Variants in GPC5 observed in about 807,000 individuals in gnomAD.
GPC5 encodes the protein glypican 5.
Under a neutral mutation model 53.9 loss-of-function variants are expected in GPC5, and 47 were observed. The ratio of observed to expected loss-of-function variants is 0.87; its 90% CI spans 0.69 to 1.11. The LOEUF (loss-of-function observed/expected upper bound fraction) is 1.11, where lower values mean the gene tolerates loss of function less well. GPC5 is among the 50% of genes most tolerant of loss of function. GPC5 has a pLI of 0.00. For missense variants in GPC5, 748 were observed against 713.1 expected (o/e 1.05, Z -0.56); for synonymous variants, 286 against 263.3 (o/e 1.09, Z -0.84).
intron 6 of GPC5, among the ~76,000 whole-genome samples, chr13:92,026,495 T>C (rs1235510106): frequency 1.3e-5 from 2 of 151,422 alleles, no homozygotes; most frequent in African/African-American, 4.8e-5. Flanking sequence ...GCCAAGAAGA[T>C]ATTTAATTGA....
chr13:91,408,035 C>A lies in GPC5; in HGVS notation c.163+8826C>A, dbSNP rs556692156. Among the ~76,000 whole-genome samples the A allele has an allele frequency of 5.9e-5, 9 of 152,268 alleles. No individual in the cohort carries two copies. The East Asian group carries it at 1.7e-3, about 29-fold the overall frequency. Reference sequence around the variant, plus strand: ...GCTAATTAAACTATGCATTACCTCACCTAGTTACCAATTTTGTTGTGGTGA... The same window carrying A: ...GCTAATTAAACTATGCATTACCTCAACTAGTTACCAATTTTGTTGTGGTGA... On this transcript the variant is annotated intron_variant, in intron 1 of 7. Transcript: ENST00000377067.
chr13:92,111,629 G>A (rs933800065), intron 6 of GPC5, among the ~76,000 whole-genome samples: 2 of 151,704 alleles, frequency 1.3e-5, no homozygotes, highest in African/African-American at 4.8e-5. Flanking sequence ...AAGTGCTATA[G>A]CAAGGTGCTA....
chr13:92,212,419 TA>T (rs2042381889), intron 7 of GPC5, among the ~76,000 whole-genome samples: 1 of 152,156 alleles, frequency 6.6e-6, no homozygotes, highest in African/African-American at 2.4e-5. Flanking sequence ...CTTCTATTAT[TA>T]GTAATAATGA....
chr13:92,523,039 A>G (rs1408800672), intron 7 of GPC5, among the ~76,000 whole-genome samples: 3 of 152,176 alleles, frequency 2.0e-5, no homozygotes, highest in Non-Finnish European at 4.4e-5. Context: ...AATGATTACG[A>G]CAATAATTTG....
At chr13:91,778,507 G>T (rs1250691182) in intron 5 of GPC5, among the ~76,000 whole-genome samples, 1 of 152,094 alleles carries the variant, frequency 6.6e-6, no homozygotes, top group East Asian at 1.9e-4. Flanking sequence ...CACCCATTTA[G>T]TTCTCTGTTC....
chr13:92,481,828 G>A (rs1487452560), intron 7 of GPC5, among the ~76,000 whole-genome samples: 3 of 152,068 alleles, frequency 2.0e-5, no homozygotes, highest in Non-Finnish European at 4.4e-5. Flanking sequence ...GGGAGGCTAA[G>A]TATAAAAAGA....
intron 6 of GPC5, among the ~76,000 whole-genome samples, chr13:92,028,121 C>A (rs568354584): frequency 6.6e-6 from 1 of 152,212 alleles, no homozygotes; most frequent in South Asian, 2.1e-4. Flanking sequence ...AGCTGACTTT[C>A]TGTTTTAATC....
chr13:91,453,722 T>G (rs1244053975), intron 2 of GPC5, among the ~76,000 whole-genome samples: 1 of 151,536 alleles, frequency 6.6e-6, no homozygotes. Context: ...AATGAATGAA[T>G]GAATGGTACT....
intron 7 of GPC5, among the ~76,000 whole-genome samples, chr13:92,476,269 T>A (rs1195069081): frequency 6.6e-6 from 1 of 152,170 alleles, no homozygotes; most frequent in Non-Finnish European, 1.5e-5. Flanking sequence ...AAGACATTTA[T>A]GCAGCCAAAA....
intron 7 of GPC5, among the ~76,000 whole-genome samples, chr13:92,738,820 A>T (rs1889011040): frequency 6.6e-6 from 1 of 152,232 alleles, no homozygotes; most frequent in Non-Finnish European, 1.5e-5. Context: ...GGGAAGCCAT[A>T]CGTTGCATAT....
At chr13:92,792,371 TC>T in intron 7 of GPC5, among the ~76,000 whole-genome samples, 1 of 152,176 alleles carries the variant, frequency 6.6e-6, no homozygotes, top group Non-Finnish European at 1.5e-5. Flanking sequence ...GATTTTGTCA[TC>T]ACCAGGCCTG....
At position 91,961,200 on chromosome 13, in the gene GPC5, T is replaced by A. The variant is rs181456738; in HGVS notation, c.1401+53143T>A. Among the ~76,000 whole-genome samples, 4 of 151,978 alleles carry A rather than the reference T, an allele frequency of 2.6e-5. No homozygotes were observed. In the East Asian group the frequency reaches 5.8e-4, roughly 22 times the overall value. ...AAAGAAACTGAAGTAACTAAACAAG[T>A]AAATACTCAGGGTAATGGAAACTCT... On this transcript the variant is annotated intron_variant, in intron 6 of 7. Coordinates refer to ENST00000377067, the MANE Select transcript of GPC5 (RefSeq NM_004466.6).
At chr13:92,628,260 C>CTTTTTTTTTTTTTTTTTTTTT (rs1286424637) in intron 7 of GPC5, among the ~76,000 whole-genome samples, 6 of 37,550 alleles carry the variant, frequency 1.6e-4, no homozygotes, top group African/African-American at 4.1e-4. Context: ...TTTTCTTTTT[C>CTTTTTTTTTTTTTTTTTTTTT]TTTCTTTTTT....
intron 7 of GPC5, among the ~76,000 whole-genome samples, chr13:92,720,222 G>A (rs1356481208): frequency 2.0e-5 from 3 of 152,094 alleles, no homozygotes; most frequent in African/African-American, 7.2e-5. Context: ...AAAACATTCT[G>A]CTTTTACAGT....
At chr13:92,444,529 T>C (rs1877712581) in intron 7 of GPC5, among the ~76,000 whole-genome samples, 1 of 151,928 alleles carries the variant, frequency 6.6e-6, no homozygotes, top group African/African-American at 2.4e-5. Context: ...CAGTACTAAA[T>C]ATTAGTATTC....
intron 5 of GPC5, among the ~76,000 whole-genome samples, chr13:91,779,385 G>A (rs1362076895): frequency 6.6e-6 from 1 of 151,788 alleles, no homozygotes; most frequent in Non-Finnish European, 1.5e-5. Context: ...TTTTGAAACA[G>A]GGTCTCATGT....
At chr13:92,826,666 T>C (rs1284203995) in intron 7 of GPC5, among the ~76,000 whole-genome samples, 2 of 152,202 alleles carry the variant, frequency 1.3e-5, no homozygotes, top group Non-Finnish European at 2.9e-5. Context: ...TAGGTACATG[T>C]ATACTTAGTT....
chr13:91,850,251 C>T (rs1266774770), intron 5 of GPC5, among the ~76,000 whole-genome samples: 1 of 152,138 alleles, frequency 6.6e-6, no homozygotes, highest in Non-Finnish European at 1.5e-5. Context: ...CACTATATCT[C>T]TGACATCCAT....
intron 7 of GPC5, among the ~76,000 whole-genome samples, chr13:92,416,953 A>G (rs1876330528): frequency 6.6e-6 from 1 of 152,156 alleles, no homozygotes; most frequent in African/African-American, 2.4e-5. Flanking sequence ...CTATAAGTCA[A>G]AAAGGCACTT....
Sources: gnomAD v4.1 joint callset for allele counts (sites outside exome capture counted in the v4.1 genomes callset) on GRCh38, gnomAD v4.1.1 for gene constraint, MANE v1.5 for transcripts, NCBI Gene and HGNC (gene_info 2026-07-23, HGNC 2026-07-21) for gene names.